Variants in PEX2 observed in about 807,000 individuals in gnomAD.
PEX2 encodes peroxisomal biogenesis factor 2.
A neutral mutation model predicts 25.2 loss-of-function variants in PEX2; 19 were observed. That is an observed-to-expected ratio of 0.75 (90% CI 0.53 to 1.10). The LOEUF (loss-of-function observed/expected upper bound fraction) is 1.10, where lower values mean the gene tolerates loss of function less well. Among genes scored for constraint, PEX2 ranks in the 50% least tolerant of loss-of-function variants. The pLI, the probability that PEX2 is intolerant of heterozygous loss-of-function variation, is 0.00. For missense variants in PEX2, 347 were observed against 350.6 expected, an observed-to-expected ratio of 0.99 and a Z score of 0.08; for synonymous variants, 141 against 127.7, an observed-to-expected ratio of 1.10 and a Z score of -0.70.
At chr8:76,992,715 A>G (rs534535894) in intron 1 of PEX2, among the ~76,000 whole-genome samples, 2 of 152,326 alleles carry the variant, frequency 1.3e-5, no homozygotes, top group East Asian at 3.9e-4. Context: ...TGGTTACTCA[A>G]TGTAACAAAT....
In PEX2 at chr8:76,983,793, A is replaced by T. The variant is rs1224224276; in HGVS notation, c.386T>A (p.Leu129Ter). ...CTGCTTGACTTTCCCAAATGATGCT[A>T]AATGATGGTTTCGAAACAAATCATA... is the stretch of plus-strand genomic sequence containing the variant. ...RCYDLFRNHH[L>*]ASFGKVKQCV... Residue 129 changes from leucine (L) to a stop codon, truncating the protein, a stop_gained, in exon 4 of 4, where the codon TTA (leucine) becomes TAA (stop). Coordinates refer to ENST00000357039, the MANE Select transcript of PEX2 (RefSeq NM_000318.3). LOFTEE classifies it high-confidence loss of function. 1 of 1,614,180 alleles carries T rather than the reference A, an allele frequency of 6.2e-7. No individual in the cohort carries two copies. Among genetic ancestry groups the T allele is most frequent in the Non-Finnish European group, 8.5e-7 (1 of 1,180,034 alleles).
chr8:76,990,908 C>T (rs1807151870), intron 1 of PEX2, among the ~76,000 whole-genome samples: 1 of 23,180 alleles, frequency 4.3e-5, no homozygotes, highest in Admixed American at 8.6e-4. Context: ...TGCAGATAAA[C>T]TTGATTGACT....
chr8:76,995,679 TTATAAG>T (rs1477545313), intron 1 of PEX2, among the ~76,000 whole-genome samples: 9 of 152,294 alleles, frequency 5.9e-5, no homozygotes, highest in Non-Finnish European at 7.4e-5. Flanking sequence ...GGGCCTAGCT[TTATAAG>T]TATATTTTTA....
chr8:76,984,683 C>T (rs1470054643), intron 3 of PEX2, among the ~76,000 whole-genome samples: 2 of 152,166 alleles, frequency 1.3e-5, no homozygotes, highest in African/African-American at 4.8e-5. Flanking sequence ...AGCACTACTA[C>T]TGACTCCAAA....
chr8:76,983,978 G>A lies in PEX2; in HGVS notation c.201C>T (p.Phe67=), dbSNP rs1806926311. Residue 67 remains phenylalanine, a synonymous_variant, in exon 4 of 4, where the codon TTC becomes TTT. Transcript: ENST00000357039. ...CTGTGGCATTTTTGGAGTAGATGGT[G>A]AATCTCCACAAGAAAACCCATAAGC... ...KACLWVFLWR[F]TIYSKNATVG... is the part of the protein sequence containing the mutation. 2 of 1,614,082 alleles carry A rather than the reference G, an allele frequency of 1.2e-6. No individual in the cohort carries two copies. The highest frequency in any genetic ancestry group is 1.7e-6 in the Non-Finnish European group (2 of 1,179,978).
In PEX2 at chr8:76,983,809, AC is replaced by A. The variant is rs1335606950; in HGVS notation, c.369del (p.Leu123PhefsTer7). 1 of 1,614,188 alleles carries A rather than the reference AC, an allele frequency of 6.2e-7. No homozygotes were observed. Among genetic ancestry groups the A allele is most frequent in the Non-Finnish European group, 8.5e-7 (1 of 1,180,032 alleles). On this transcript the variant is annotated frameshift_variant, in exon 4 of 4. Transcript: ENST00000357039. LOFTEE classifies it high-confidence loss of function. ...GRWLEERCYD[L>X]FRNHHLASFG... Reference sequence around the variant, plus strand: ...AATGATGCTAAATGATGGTTTCGAAACAAATCATAGCATCGTTCTTCTAACC... The same window carrying A: ...AATGATGCTAAATGATGGTTTCGAAAAAATCATAGCATCGTTCTTCTAACC...
intron 1 of PEX2, among the ~76,000 whole-genome samples, chr8:76,994,326 T>C (rs1379567752): frequency 1.3e-5 from 2 of 152,194 alleles, no homozygotes; most frequent in African/African-American, 4.8e-5. Flanking sequence ...TTTTATAGTT[T>C]TATTGAGTAT....
rs1173725467 is a variant in PEX2, at chr8:76,980,276, T to G, written c.*2985A>C. ...ACAATTGTTGATATAACAATTTTGT[T>G]GACTTTATTTAATCCTTTCAAATCT... On this transcript the variant is annotated 3_prime_UTR_variant, in exon 4 of 4. Coordinates refer to ENST00000357039, the MANE Select transcript of PEX2 (RefSeq NM_000318.3). 5 of 152,232 alleles carry G rather than the reference T, an allele frequency of 3.3e-5. No homozygotes were observed. Among genetic ancestry groups the G allele is most frequent in the Admixed American group, 1.3e-4 (2 of 15,288 alleles). 9.4% of individuals were successfully genotyped at this position (152,232 alleles called of 1,614,324 possible). A position where few individuals can be genotyped will look rare whatever the true frequency, so the allele number is the denominator to read the frequency against.
At chr8:77,000,669 A>G (rs1346235468), upstream of PEX2, among the ~76,000 whole-genome samples, 5 of 152,130 alleles carry the variant, frequency 3.3e-5, no homozygotes, top group African/African-American at 1.2e-4. Flanking sequence ...CAGGCTCAGG[A>G]AGGCAGGTAG....
At chr8:76,988,400 T>C (rs1807066313) in intron 1 of PEX2, 62 bp from the exon 2 acceptor site, 1 of 152,266 alleles carries the variant, frequency 6.6e-6, no homozygotes, top group Admixed American at 6.5e-5. Flanking sequence ...TTCCAGTGCA[T>C]ATAAAACTTA....
chr8:76,983,984 C>T lies in PEX2; in HGVS notation c.195G>A (p.Trp65Ter). Reference protein sequence around the residue: ...EVKACLWVFLWRFTIYSKNAT... With the variant: ...EVKACLWVFL Reference sequence around the variant, plus strand: ...CATTTTTGGAGTAGATGGTGAATCTCCACAAGAAAACCCATAAGCACGCTT... The same window carrying T: ...CATTTTTGGAGTAGATGGTGAATCTTCACAAGAAAACCCATAAGCACGCTT... Residue 65 changes from tryptophan (W) to a stop codon, truncating the protein, a stop_gained, in exon 4 of 4, where the codon TGG (tryptophan) becomes TGA (stop). Coordinates refer to ENST00000357039, the MANE Select transcript of PEX2 (RefSeq NM_000318.3). LOFTEE classifies it high-confidence loss of function. 1.2e-6 allele frequency: 2 copies of T among 1,614,114 alleles called. No homozygotes were observed. The highest frequency in any genetic ancestry group is 1.7e-6 in the Non-Finnish European group (2 of 1,179,986).
chr8:76,989,791 A>T (rs1368699151), intron 1 of PEX2, among the ~76,000 whole-genome samples: 1 of 152,210 alleles, frequency 6.6e-6, no homozygotes, highest in Non-Finnish European at 1.5e-5. Flanking sequence ...TCATTTATAA[A>T]GTACAGGCAG....
chr8:76,992,282 A>G (rs189830665), intron 1 of PEX2, among the ~76,000 whole-genome samples: 21 of 152,246 alleles, frequency 1.4e-4, no homozygotes, highest in South Asian at 4.1e-4. Context: ...TGTTATCTTG[A>G]AGTAAAGAAA....
In PEX2 at chr8:76,983,030, C is replaced by T; in HGVS notation, c.*231G>A. 8.3e-7 allele frequency: 1 copy of T among 1,199,198 alleles called. No homozygotes were observed. Among genetic ancestry groups the T allele is most frequent in the Non-Finnish European group, 1.1e-6 (1 of 904,972 alleles). The allele number at this position is 1,199,198 out of a possible 1,614,324, so 74.3% of individuals were successfully genotyped here. On this transcript the variant is annotated 3_prime_UTR_variant, in exon 4 of 4. Coordinates refer to ENST00000357039, the MANE Select transcript of PEX2 (RefSeq NM_000318.3). Reference sequence around the variant, plus strand: ...GACAAAAGCTGTCCATTATTCTTGACATTAAAAATTGAATGCAATGATTTA... The same window carrying T: ...GACAAAAGCTGTCCATTATTCTTGATATTAAAAATTGAATGCAATGATTTA...
chr8:76,995,385 C>A (rs1037933309), intron 1 of PEX2, among the ~76,000 whole-genome samples: 1 of 152,094 alleles, frequency 6.6e-6, no homozygotes, highest in Non-Finnish European at 1.5e-5. Flanking sequence ...GTAGTGGATA[C>A]ATGACAAAAC....
chr8:76,985,054 T>TTG (rs1563607604), intron 3 of PEX2, among the ~76,000 whole-genome samples: 3 of 151,996 alleles, frequency 2.0e-5, no homozygotes, highest in African/African-American at 7.2e-5. Context: ...TACACATATA[T>TTG]TATTATAAAT....
intron 1 of PEX2, among the ~76,000 whole-genome samples, chr8:76,999,255 G>A (rs1001568203): frequency 6.6e-6 from 1 of 152,080 alleles, no homozygotes; most frequent in African/African-American, 2.4e-5. Context: ...GGGGCATCAC[G>A]GAAGTTTAAC....
At chr8:76,987,237 C>A (rs1367467319) in intron 2 of PEX2, among the ~76,000 whole-genome samples, 1 of 152,038 alleles carries the variant, frequency 6.6e-6, no homozygotes. Context: ...CAATAAGGTG[C>A]GATCAGTGAT....
At chr8:76,987,135 T>C (rs976846105) in intron 2 of PEX2, among the ~76,000 whole-genome samples, 1 of 152,226 alleles carries the variant, frequency 6.6e-6, no homozygotes, top group Non-Finnish European at 1.5e-5. Flanking sequence ...AGTGATATAA[T>C]GGTACAACAG....
Sources: allele counts gnomAD v4.1 joint callset (sites outside exome capture counted in the v4.1 genomes callset), GRCh38; gene constraint gnomAD v4.1.1; transcripts MANE v1.5; gene names NCBI Gene and HGNC (gene_info 2026-07-23, HGNC 2026-07-21).